Variants in CD300LG observed in about 807,000 individuals in gnomAD.
The protein encoded by CD300LG is CMRF35-like molecule 9.
A neutral mutation model predicts 31.5 loss-of-function variants in CD300LG; 29 were observed. That is an observed-to-expected ratio of 0.92 (90% CI 0.68 to 1.25). The LOEUF (loss-of-function observed/expected upper bound fraction) is 1.25, where lower values mean the gene tolerates loss of function less well. Among genes scored for constraint, CD300LG ranks in the 50% most tolerant of loss-of-function variants. The pLI is 0.00. For missense variants in CD300LG, 396 were observed against 417.6 expected, an observed-to-expected ratio of 0.95 and a Z score of 0.45; for synonymous variants, 175 against 177.2, an observed-to-expected ratio of 0.99 and a Z score of 0.10.
At position 43,861,922 on chromosome 17, in the gene CD300LG, C is replaced by T. The variant is rs1322578790; in HGVS notation, c.*11C>T. 1.3e-6 allele frequency: 2 copies of T among 1,588,062 alleles called. No homozygotes were observed. Among genetic ancestry groups the T allele is most frequent in the Non-Finnish European group, 1.7e-6 (2 of 1,166,032 alleles). ...TTTGTCTCAGCGTAGGGCAGGAGGC[C>T]CTCCTGGCCAGGCCAGCAGTGAAGC... On this transcript the variant is annotated 3_prime_UTR_variant, in exon 7 of 7. Transcript: ENST00000317310.
chr17:43,855,141 C>T (rs958217192), intron 4 of CD300LG, 66 bp from the exon 5 acceptor site: 6 of 1,061,198 alleles, frequency 5.7e-6, no homozygotes, highest in Non-Finnish European at 6.6e-6. Context: ...TGCCTGGGAC[C>T]CCCAAAGGAC....
rs893975592 is a variant in CD300LG at position 43,862,294 on chromosome 17, C to A, written c.*383C>A. On this transcript the variant is annotated 3_prime_UTR_variant, in exon 7 of 7. Coordinates refer to ENST00000317310, the MANE Select transcript of CD300LG (RefSeq NM_145273.4). ...GACCCTGCCTTCCTCCCACTCCAGACCCCACCTTGTCTTCCCTCCCTGGCG... is the reference window on the plus strand; with the variant it reads ...GACCCTGCCTTCCTCCCACTCCAGAACCCACCTTGTCTTCCCTCCCTGGCG... The A allele has an allele frequency of 1.9e-5, 3 of 156,608 alleles. No individual in the cohort carries two copies. The highest frequency in any genetic ancestry group is 2.8e-5 in the Non-Finnish European group (2 of 71,106). 9.7% of individuals were successfully genotyped at this position (156,608 alleles called of 1,614,324 possible). A position where few individuals can be genotyped will look rare whatever the true frequency, so the allele number is the denominator to read the frequency against.
At chr17:43,854,351 C>G (rs1285576016) in intron 4 of CD300LG, among the ~76,000 whole-genome samples, 1 of 152,222 alleles carries the variant, frequency 6.6e-6, no homozygotes, top group Non-Finnish European at 1.5e-5. Flanking sequence ...ATACTTTGCA[C>G]TAAGCCCTGT....
chr17:43,861,379 C>A (rs1051987520), intron 6 of CD300LG: 1 of 682,068 alleles, frequency 1.5e-6, no homozygotes, highest in Non-Finnish European at 1.8e-6. Flanking sequence ...CCCACACCCC[C>A]GCATCTACCC....
At position 43,857,438 on chromosome 17, in the gene CD300LG, C is replaced by T. The variant is rs189361746; in HGVS notation, c.885+282C>T. On this transcript the variant is annotated intron_variant, in intron 6 of 6. Coordinates refer to ENST00000317310, the MANE Select transcript of CD300LG (RefSeq NM_145273.4). ...GAGCCATGTGAGCATCTTCTCCAGG[C>T]GCCTTCTTTCCATCCCCCCTTTTAG... 1,319 of 1,537,216 alleles carry T rather than the reference C, an allele frequency of 8.6e-4. 24 individuals carry two copies. The East Asian group carries it at 0.013, about 16-fold the overall frequency.
chr17:43,859,421 G>A (rs901764767), intron 6 of CD300LG, among the ~76,000 whole-genome samples: 2 of 152,118 alleles, frequency 1.3e-5, no homozygotes, highest in African/African-American at 4.8e-5. Flanking sequence ...AGGGCCGATC[G>A]TCCACAGTGG....
chr17:43,855,147 AG>A (rs1406195301), intron 4 of CD300LG, 59 bp from the exon 5 acceptor site: 2 of 1,127,822 alleles, frequency 1.8e-6, no homozygotes, highest in African/African-American at 1.6e-5. Context: ...GGACCCCCAA[AG>A]GACATAGACT....
rs1427239689 is a variant in CD300LG, at chr17:43,848,132, C to T, written c.44-426C>T. On this transcript the variant is annotated intron_variant, in intron 1 of 6. Coordinates refer to ENST00000317310, the MANE Select transcript of CD300LG (RefSeq NM_145273.4). Reference sequence around the variant, plus strand: ...CAGCACGTGGCTGTAGTCCCAGGTACTCAGGAGGCTGAGGCAGGAGAATCA... The same window carrying T: ...CAGCACGTGGCTGTAGTCCCAGGTATTCAGGAGGCTGAGGCAGGAGAATCA... 2.0e-5 allele frequency among the ~76,000 whole-genome samples: 3 copies of T among 152,106 alleles called. No homozygotes were observed. The East Asian group carries it at 5.8e-4, about 29-fold the overall frequency.
At chr17:43,852,877 G>A in intron 2 of CD300LG, 35 bp from the exon 3 acceptor site, 1 of 1,540,558 alleles carries the variant, frequency 6.5e-7, no homozygotes, top group Non-Finnish European at 8.9e-7. Context: ...TCAGAGCGGT[G>A]CCACCCCTGA....
chr17:43,858,335 C>G, intron 6 of CD300LG: 1 of 997,556 alleles, frequency 1.0e-6, no homozygotes, highest in Non-Finnish European at 1.2e-6. Context: ...CCTCCAAGCC[C>G]GGCCTCCTGG....
chr17:43,847,274 G>A lies in CD300LG; in HGVS notation c.43+15G>A, dbSNP rs2046209009. On this transcript the variant is annotated intron_variant, in intron 1 of 6. Coordinates refer to ENST00000317310, the MANE Select transcript of CD300LG (RefSeq NM_145273.4). ...GCTGCTCCCAGGTGAGATGGGGAGA[G>A]GGTCTCGGGAGGGATGTGGGGCTCA... is the stretch of plus-strand genomic sequence containing the variant. 6.2e-7 allele frequency: 1 copy of A among 1,613,584 alleles called. No individual in the cohort carries two copies. The highest frequency in any genetic ancestry group is 1.3e-5 in the African/African-American group (1 of 74,930).
At chr17:43,853,099 A>G (rs2046408512) in intron 3 of CD300LG, 86 bp downstream of exon 3, 3 of 1,147,294 alleles carry the variant, frequency 2.6e-6, no homozygotes, top group Non-Finnish European at 3.8e-6. Context: ...CAGACACAAT[A>G]GTTTATGGCC....
rs983407545 is a variant in CD300LG, at chr17:43,862,124, G to T, written c.*213G>T. 4.4e-5 allele frequency: 19 copies of T among 430,406 alleles called. No homozygotes were observed. Among genetic ancestry groups the T allele is most frequent in the Non-Finnish European group, 6.2e-5 (15 of 241,324 alleles). The allele number at this position is 430,406 out of a possible 1,614,324, so 26.7% of individuals were successfully genotyped here. A position where few individuals can be genotyped will look rare whatever the true frequency, so the allele number is the denominator to read the frequency against. ...CCCAGAGCGGTGGCCTTGCTCTTCC[G>T]GCTGGAGACTGGGACATCCCTGATA... is the stretch of plus-strand genomic sequence containing the variant. On this transcript the variant is annotated 3_prime_UTR_variant, in exon 7 of 7. Transcript: ENST00000317310.
At chr17:43,852,368 C>G (rs2046384858) in intron 2 of CD300LG, among the ~76,000 whole-genome samples, 1 of 152,142 alleles carries the variant, frequency 6.6e-6, no homozygotes, top group Non-Finnish European at 1.5e-5. Flanking sequence ...GCATGCTCCA[C>G]CATACCCAGC....
Position 43,861,876 on chromosome 17 carries a change from G to A in CD300LG, c.964G>A (p.Glu322Lys). 1 of 1,612,256 alleles carries A rather than the reference G, an allele frequency of 6.2e-7. No individual in the cohort carries two copies. Among genetic ancestry groups the A allele is most frequent in the Non-Finnish European group, 8.5e-7 (1 of 1,179,272 alleles). Residue 322 changes from glutamate (E) to lysine (K), a missense_variant, in exon 7 of 7, where the codon GAG (glutamate) becomes AAG (lysine). Physicochemically the swap from Glu to Lys is moderately conservative, Grantham distance 56 (BLOSUM62 1). Coordinates refer to ENST00000317310, the MANE Select transcript of CD300LG (RefSeq NM_145273.4). ...ISMPPLHTSE[E>K]ELGFSKFVSA ...GATGCCTCCCCTCCACACATCTGAG[G>A]AGGAGCTGGGCTTCTCGAAGTTTGT...
At chr17:43,849,171 C>T (rs550788947) in intron 2 of CD300LG, 21 of 546,330 alleles carry the variant, frequency 3.8e-5, no homozygotes, top group African/African-American at 1.7e-4. Context: ...TCCTTTCTGC[C>T]CAGGTGTGCT....
At chr17:43,847,393 C>CTGGGGGGGGGGG in intron 1 of CD300LG, 134 bp downstream of exon 1, 1 of 333,496 alleles carries the variant, frequency 3.0e-6, no homozygotes, top group Non-Finnish European at 5.5e-6. Flanking sequence ...GCGGGGCGGG[C>CTGGGGGGGGGGG]TGGGGGTGGG....
intron 6 of CD300LG, chr17:43,857,861 G>A (rs1408327243): frequency 1.3e-6 from 2 of 1,537,214 alleles, no homozygotes; most frequent in South Asian, 1.2e-5. Context: ...TGGGACCCAG[G>A]CTGAGGGTGG....
At chr17:43,857,366 G>A (rs975310451) in intron 6 of CD300LG, 1 of 1,530,980 alleles carries the variant, frequency 6.5e-7, no homozygotes, top group Non-Finnish European at 8.7e-7. Flanking sequence ...GGGACTCACA[G>A]GTGGGAACCT....
Sources: allele counts gnomAD v4.1 joint callset (sites outside exome capture counted in the v4.1 genomes callset), GRCh38; gene constraint gnomAD v4.1.1; transcripts MANE v1.5; gene names NCBI Gene and HGNC (gene_info 2026-07-23, HGNC 2026-07-21).